Variants in PDZD2 observed in about 807,000 individuals in gnomAD.
The protein encoded by PDZD2 is PDZ domain containing 2, also known as PDZ domain-containing protein 2.
Under a neutral mutation model 220.7 loss-of-function variants are expected in PDZD2, and 90 were observed. The observed-to-expected ratio is 0.41, with a 90% CI of 0.34 to 0.49. The LOEUF (loss-of-function observed/expected upper bound fraction) is 0.49. Ranked by LOEUF, PDZD2 falls within the 20% of genes least tolerant of loss-of-function variation. PDZD2 has a pLI of 0.28. For synonymous variants in PDZD2, 1,375 were observed against 1,450.5 expected, an observed-to-expected ratio of 0.95 and a Z score of 1.18; for missense variants, 3,174 against 3,608.5, an observed-to-expected ratio of 0.88 and a Z score of 3.08.
chr5:31,647,874 A>T (rs1320100829), intron 1 of PDZD2, among the ~76,000 whole-genome samples: 1 of 152,200 alleles, frequency 6.6e-6, no homozygotes, highest in East Asian at 1.9e-4. Flanking sequence ...GAGGTTGCAC[A>T]GCCAGGAGTT....
intron 2 of PDZD2, among the ~76,000 whole-genome samples, chr5:31,813,721 G>A (rs1180942263): frequency 6.6e-6 from 1 of 152,156 alleles, no homozygotes; most frequent in African/African-American, 2.4e-5. Context: ...TAAAACGCAC[G>A]GTTTTGTCAG....
At chr5:31,689,148 A>G (rs1011948489) in intron 1 of PDZD2, among the ~76,000 whole-genome samples, 1 of 151,478 alleles carries the variant, frequency 6.6e-6, no homozygotes, top group Admixed American at 6.6e-5. Context: ...GACTCGCTAC[A>G]ACCTCCACCT....
chr5:31,974,437 A>T (rs1436902366), intron 2 of PDZD2, among the ~76,000 whole-genome samples: 1 of 152,242 alleles, frequency 6.6e-6, no homozygotes, highest in East Asian at 1.9e-4. Flanking sequence ...GGTATCAAGA[A>T]TAGAATGTCA....
At chr5:31,751,212 G>T (rs1340024925) in intron 1 of PDZD2, among the ~76,000 whole-genome samples, 1 of 149,548 alleles carries the variant, frequency 6.7e-6, no homozygotes, top group Non-Finnish European at 1.5e-5. Flanking sequence ...TTGCACTCCG[G>T]CCTGGGTGAC....
intron 1 of PDZD2, among the ~76,000 whole-genome samples, chr5:31,744,612 G>A (rs1186259837): frequency 6.6e-6 from 1 of 151,876 alleles, no homozygotes; most frequent in Non-Finnish European, 1.5e-5. Flanking sequence ...CCCCTTCATG[G>A]TTGAACAGGA....
Position 32,088,118 on chromosome 5 carries a change from A to T in PDZD2, c.4670A>T (p.Asp1557Val), listed in dbSNP as rs887166954. 1 of 1,614,130 alleles carries T rather than the reference A, an allele frequency of 6.2e-7. No homozygotes were observed. Among genetic ancestry groups the T allele is most frequent in the African/African-American group, 1.3e-5 (1 of 75,030 alleles). The stretch of plus-strand genomic sequence containing the variant: ...TCATCCATGTATGGCGATGCTGAGG[A>T]TTCTTCTTCTGACCCTGAGTCACTC... ...SLSSMYGDAE[D>V]SSSDPESLTE... The change falls in exon 20 of 25, where the codon GAT becomes GTT. Residue 1557 changes from aspartate (D) to valine (V), a missense_variant. Physicochemically the swap from Asp to Val is radical, Grantham distance 152. Coordinates refer to ENST00000438447, the MANE Select transcript of PDZD2 (RefSeq NM_178140.4). The surrounding 1 kb of genome is among the most constrained non-coding windows in gnomAD (Gnocchi z 4.6).
intron 2 of PDZD2, among the ~76,000 whole-genome samples, chr5:31,802,659 G>A (rs989065335): frequency 6.6e-6 from 1 of 152,134 alleles, no homozygotes; most frequent in South Asian, 2.1e-4. Context: ...CGTGGCTCAC[G>A]CCTGTAATCC....
chr5:31,698,617 A>G (rs1329045972), intron 1 of PDZD2, among the ~76,000 whole-genome samples: 1 of 151,920 alleles, frequency 6.6e-6, no homozygotes, highest in Non-Finnish European at 1.5e-5. Context: ...AAAAAAAGAA[A>G]AAGAGAAGGC....
At chr5:31,890,213 G>A (rs1175371410) in intron 2 of PDZD2, among the ~76,000 whole-genome samples, 2 of 141,278 alleles carry the variant, frequency 1.4e-5, no homozygotes, top group South Asian at 2.3e-4. Context: ...CTTAATGGGC[G>A]ATGGCGGTGT....
chr5:31,860,354 C>T (rs532720331), intron 2 of PDZD2, among the ~76,000 whole-genome samples: 2 of 152,286 alleles, frequency 1.3e-5, no homozygotes, highest in African/African-American at 2.4e-5. Context: ...AAATCCCAAA[C>T]TGGCTTTCCA....
At chr5:31,683,000 C>T (rs1282545137) in intron 1 of PDZD2, among the ~76,000 whole-genome samples, 1 of 152,040 alleles carries the variant, frequency 6.6e-6, no homozygotes, top group Non-Finnish European at 1.5e-5. Flanking sequence ...CTGACCAGTA[C>T]TCTGACTTTA....
At chr5:31,668,322 C>A (rs1370521255) in intron 1 of PDZD2, among the ~76,000 whole-genome samples, 1 of 152,180 alleles carries the variant, frequency 6.6e-6, no homozygotes, top group African/African-American at 2.4e-5. Context: ...GGTGGAAGAC[C>A]AAACCACTCC....
At chr5:31,841,059 G>C (rs1757270796) in intron 2 of PDZD2, 1 of 268,200 alleles carries the variant, frequency 3.7e-6, no homozygotes, top group Non-Finnish European at 7.0e-6. Context: ...GTTATCAAAA[G>C]GAAAAACATT....
chr5:31,900,024 T>C (rs976886750), intron 2 of PDZD2, among the ~76,000 whole-genome samples: 1 of 152,144 alleles, frequency 6.6e-6, no homozygotes, highest in Non-Finnish European at 1.5e-5. Flanking sequence ...AACACTGAGA[T>C]TTGTTGCCGG....
In PDZD2 at chr5:32,087,860, G is replaced by C; in HGVS notation, c.4412G>C (p.Arg1471Pro). 6.2e-7 allele frequency: 1 copy of C among 1,611,776 alleles called. No homozygotes were observed. The highest frequency in any genetic ancestry group is 1.3e-5 in the African/African-American group (1 of 74,980). ...GGGGCTGGAGGTGGGAGCTCCTGCC[G>C]TGCCGAACCAGTCCCGGGGGGCCAG... ...PAGAGGGSSC[R>P]AEPVPGGQTS... The change falls in exon 20 of 25, where the codon CGT (arginine) becomes CCT (proline). Residue 1471 changes from arginine to proline, a missense_variant. Physicochemically the swap from Arg to Pro is moderately radical, Grantham distance 103. Coordinates refer to ENST00000438447, the MANE Select transcript of PDZD2 (RefSeq NM_178140.4). The surrounding 1 kb of genome is among the most constrained non-coding windows in gnomAD (Gnocchi z 4.0).
chr5:31,679,328 T>C (rs2150122277), intron 1 of PDZD2, among the ~76,000 whole-genome samples: 1 of 152,372 alleles, frequency 6.6e-6, no homozygotes, highest in South Asian at 2.1e-4. Context: ...CAGTAGCTTA[T>C]GTTTTCAAAA....
chr5:31,939,746 G>A (rs1746056516), intron 2 of PDZD2, among the ~76,000 whole-genome samples: 1 of 152,194 alleles, frequency 6.6e-6, no homozygotes, highest in East Asian at 1.9e-4. Flanking sequence ...AGGGCTGAGT[G>A]TCCAGCCCAA....
intron 2 of PDZD2, among the ~76,000 whole-genome samples, chr5:31,802,531 G>T (rs182483693): frequency 6.7e-6 from 1 of 148,404 alleles, no homozygotes; most frequent in South Asian, 2.1e-4. Context: ...AGGAATAGGA[G>T]AAAATGTCAG....
chr5:32,065,887 G>C (rs188759928), intron 14 of PDZD2, among the ~76,000 whole-genome samples: 1 of 152,030 alleles, frequency 6.6e-6, no homozygotes, highest in Admixed American at 6.6e-5. Flanking sequence ...TTAGCTGGGC[G>C]TGGTGGCAGG....
Sources: allele counts gnomAD v4.1 joint callset (sites outside exome capture counted in the v4.1 genomes callset), GRCh38; gene constraint gnomAD v4.1.1; non-coding constraint Gnocchi (gnomAD v3.1); transcripts MANE v1.5; gene names NCBI Gene and HGNC (gene_info 2026-07-23, HGNC 2026-07-21).